The following CALN1 variants were observed in gnomAD, a reference collection of about 807,000 sequenced individuals.
CALN1 encodes calcium-binding protein 8.
In CALN1, 17 loss-of-function variants were observed where a neutral mutation model predicts 30.6. The observed-to-expected ratio is 0.56, with a 90% CI of 0.38 to 0.83. CALN1 has a LOEUF of 0.83. Ranked by LOEUF, CALN1 falls within the 40% of genes least tolerant of loss-of-function variation. The pLI, the probability that CALN1 is intolerant of heterozygous loss-of-function variation, is 0.00. For missense variants in CALN1, 291 were observed against 354.9 expected, an observed-to-expected ratio of 0.82 and a Z score of 1.45; for synonymous variants, 156 against 131.4, an observed-to-expected ratio of 1.19 and a Z score of -1.28.
chr7:72,069,680 TA>T (rs1804258915), intron 4 of CALN1, among the ~76,000 whole-genome samples: 1 of 152,018 alleles, frequency 6.6e-6, no homozygotes, highest in Non-Finnish European at 1.5e-5. Flanking sequence ...ATCCTTAACT[TA>T]AAAAGGATTG....
rs186243302 is a variant in CALN1 at position 72,157,156 on chromosome 7, C to G, written c.245-50862G>C. Among the ~76,000 whole-genome samples, 396 of 152,332 alleles carry G rather than the reference C, an allele frequency of 2.6e-3. 11 individuals are homozygous for G. The highest frequency in any genetic ancestry group is 3.7e-3 in the South Asian group (18 of 4,834). On this transcript the variant is annotated intron_variant, in intron 3 of 6. Transcript: ENST00000395275. ...ATCTTGATCGATGACATGGGAACTA[C>G]TGGTCAGAGCTCATTCATTCATTCA...
At chr7:72,296,651 G>T (rs1798885248) in intron 2 of CALN1, among the ~76,000 whole-genome samples, 1 of 142,660 alleles carries the variant, frequency 7.0e-6, no homozygotes, top group East Asian at 2.1e-4. Context: ...TATTTGCGTA[G>T]AGGTGTTTGT....
chr7:72,351,987 T>C (rs1338887445), intron 2 of CALN1, among the ~76,000 whole-genome samples: 5 of 152,246 alleles, frequency 3.3e-5, no homozygotes, highest in African/African-American at 1.2e-4. Context: ...CTCAGTACTT[T>C]GGTATTTTAA....
At chr7:71,828,541 G>C (rs1789064401) in intron 5 of CALN1, among the ~76,000 whole-genome samples, 1 of 151,710 alleles carries the variant, frequency 6.6e-6, no homozygotes, top group East Asian at 1.9e-4. Flanking sequence ...ATTTTGGAAA[G>C]ACTTATCAGA....
At position 72,118,509 on chromosome 7, in the gene CALN1, C is replaced by T. The variant is rs541945551; in HGVS notation, c.245-12215G>A. On this transcript the variant is annotated intron_variant, in intron 3 of 6. Coordinates refer to ENST00000395275, the MANE Select transcript of CALN1 (RefSeq NM_031468.4). ...AGCATAAAGTTAATCTGTCCCCAAA[C>T]GTTACACCTGGACAGATTAAGCTGA... 6.6e-5 allele frequency among the ~76,000 whole-genome samples: 10 copies of T among 152,302 alleles called. No individual in the cohort carries two copies. The South Asian group carries it at 1.7e-3, about 25-fold the overall frequency.
intron 2 of CALN1, among the ~76,000 whole-genome samples, chr7:72,333,230 T>C (rs185567921): frequency 4.7e-4 from 71 of 152,362 alleles, no homozygotes; most frequent in Admixed American, 2.6e-3. Flanking sequence ...CATCCATCTC[T>C]GTTCACAAAT....
At chr7:72,100,384 G>A (rs1050680223) in intron 4 of CALN1, among the ~76,000 whole-genome samples, 8 of 151,890 alleles carry the variant, frequency 5.3e-5, no homozygotes, top group African/African-American at 1.9e-4. Context: ...TTCTCACTGT[G>A]TTGCCCAGAC....
chr7:72,189,533 G>A (rs1485329073), intron 3 of CALN1, among the ~76,000 whole-genome samples: 1 of 152,120 alleles, frequency 6.6e-6, no homozygotes, highest in East Asian at 1.9e-4. Context: ...AAGACTAGTA[G>A]TCTCCAATTC....
intron 5 of CALN1, among the ~76,000 whole-genome samples, chr7:71,960,029 G>A (rs1476340832): frequency 6.6e-6 from 1 of 151,716 alleles, no homozygotes; most frequent in African/African-American, 2.4e-5. Flanking sequence ...AGCTGCTCTA[G>A]AGACTGAGGG....
chr7:71,967,146 GAAGAA>G (rs1462198741), intron 5 of CALN1, among the ~76,000 whole-genome samples: 12 of 152,072 alleles, frequency 7.9e-5, no homozygotes, highest in Admixed American at 7.9e-4. Flanking sequence ...AAAATATACA[GAAGAA>G]AACAGAGAAA....
intron 2 of CALN1, among the ~76,000 whole-genome samples, chr7:72,368,193 A>G (rs1248656268): frequency 6.6e-6 from 1 of 151,224 alleles, no homozygotes; most frequent in Admixed American, 6.6e-5. Flanking sequence ...ATCTGTATAT[A>G]TATATGTGTG....
intron 5 of CALN1, among the ~76,000 whole-genome samples, chr7:71,937,039 G>C (rs2129521554): frequency 6.6e-6 from 1 of 152,230 alleles, no homozygotes; most frequent in African/African-American, 2.4e-5. Flanking sequence ...CCCAGTCTCA[G>C]GTATGTCTGT....
intron 4 of CALN1, among the ~76,000 whole-genome samples, chr7:72,087,053 A>G (rs748293830): frequency 3.3e-5 from 5 of 152,226 alleles, no homozygotes; most frequent in South Asian, 2.1e-4. Context: ...TACCCTAACC[A>G]TAATAAATAA....
intron 5 of CALN1, among the ~76,000 whole-genome samples, chr7:72,022,721 G>A (rs946478296): frequency 6.6e-6 from 1 of 152,050 alleles, no homozygotes; most frequent in Non-Finnish European, 1.5e-5. Context: ...AAATAGCTAG[G>A]TCTGAGTCTT....
At chr7:72,130,780 T>C (rs1368595008) in intron 3 of CALN1, among the ~76,000 whole-genome samples, 1 of 152,208 alleles carries the variant, frequency 6.6e-6, no homozygotes, top group Non-Finnish European at 1.5e-5. Context: ...ATTGTAAAAG[T>C]ACACACTAAA....
chr7:72,023,225 T>A (rs984719029), intron 5 of CALN1, among the ~76,000 whole-genome samples: 15 of 152,180 alleles, frequency 9.9e-5, no homozygotes, highest in African/African-American at 3.6e-4. Context: ...AAGCACTGAA[T>A]ACACATTCTT....
rs375476689 is a variant in CALN1 at position 71,950,495 on chromosome 7, C to T, written c.501+73162G>A. The stretch of plus-strand genomic sequence containing the variant: ...CCCCATTCCTATGACCAATCCATCA[C>T]CACGGTCCTCTTAAAGACTTGCAAG... On this transcript the variant is annotated intron_variant, in intron 5 of 6. Coordinates refer to ENST00000395275, the MANE Select transcript of CALN1 (RefSeq NM_031468.4). Among the ~76,000 whole-genome samples the T allele has an allele frequency of 7.2e-4, 109 of 152,258 alleles. 1 individual carries two copies. The highest frequency in any genetic ancestry group is 2.5e-3 in the African/African-American group (105 of 41,552).
At chr7:71,910,219 G>A (rs966189006) in intron 5 of CALN1, among the ~76,000 whole-genome samples, 5 of 152,176 alleles carry the variant, frequency 3.3e-5, no homozygotes, top group African/African-American at 1.2e-4. Context: ...ATCTTATGAT[G>A]CTGCCATATC....
chr7:72,157,329 G>A (rs1787769611), intron 3 of CALN1, among the ~76,000 whole-genome samples: 1 of 152,134 alleles, frequency 6.6e-6, no homozygotes, highest in Non-Finnish European at 1.5e-5. Flanking sequence ...AAAATACGCT[G>A]GCTGGGTGCA....
Sources: allele counts gnomAD v4.1 joint callset (sites outside exome capture counted in the v4.1 genomes callset), GRCh38; gene constraint gnomAD v4.1.1; transcripts MANE v1.5; gene names NCBI Gene and HGNC (gene_info 2026-07-23, HGNC 2026-07-21).